MTUS2: variants seen among roughly 807,000 people sequenced by gnomAD.
The protein encoded by MTUS2 is microtubule-associated tumor suppressor candidate 2.
In MTUS2, 40 loss-of-function variants were observed where a neutral mutation model predicts 114.1. The ratio of observed to expected loss-of-function variants is 0.35; its 90% confidence interval spans 0.27 to 0.46. The LOEUF (loss-of-function observed/expected upper bound fraction) is 0.46, where lower values mean the gene tolerates loss of function less well. Ranked by LOEUF, MTUS2 falls within the 20% of genes least tolerant of loss-of-function variation. The pLI is 1.00. For synonymous variants in MTUS2, 688 were observed against 672.0 expected, an observed-to-expected ratio of 1.02 and a Z score of -0.37; for missense variants, 1,679 against 1,705.4, an observed-to-expected ratio of 0.98 and a Z score of 0.27.
chr13:28,943,140 T>A (rs1423748212), intron 2 of MTUS2, among the ~76,000 whole-genome samples: 1 of 152,186 alleles, frequency 6.6e-6, no homozygotes, highest in Non-Finnish European at 1.5e-5. Flanking sequence ...AGTTGCTTAG[T>A]TCCTTAAGTT....
rs944018005 is a variant in MTUS2, at chr13:28,981,211, A to G, written c.-242-43246A>G. 1.1e-4 allele frequency among the ~76,000 whole-genome samples: 17 copies of G among 152,234 alleles called. 1 individual carries two copies. The highest frequency in any genetic ancestry group is 3.4e-4 in the African/African-American group (14 of 41,464). ...ATATTTTACCACAATATAAAGCATAAAAGTTAAATAAAGATACTACTAATA... is the reference window on the plus strand; with the variant it reads ...ATATTTTACCACAATATAAAGCATAGAAGTTAAATAAAGATACTACTAATA... On this transcript the variant is annotated intron_variant, in intron 2 of 15. Transcript: ENST00000612955.
At chr13:28,894,289 G>GGA (rs1282557810) in intron 2 of MTUS2, among the ~76,000 whole-genome samples, 221 of 11,714 alleles carry the variant, frequency 0.019, 6 homozygotes, top group Middle Eastern at 0.036. Flanking sequence ...TGGGGGGGGG[G>GGA]GAGAGAGAGA....
rs908505048 is a variant in MTUS2 at position 29,025,943 on chromosome 13, A to G, written c.1245A>G (p.Ser415=). ...GADNQPTGKI[S]PCAGEKLGER... ...ATAATCAGCCCACTGGCAAAATTTC[A>G]CCATGTGCAGGTGAGAAGTTGGGTG... Residue 415 remains serine, a synonymous_variant, in exon 3 of 16, where the codon TCA becomes TCG. Coordinates refer to ENST00000612955, the MANE Select transcript of MTUS2 (RefSeq NM_001033602.4). 6.2e-7 allele frequency: 1 copy of G among 1,613,898 alleles called. No individual in the cohort carries two copies. The highest frequency in any genetic ancestry group is 8.5e-7 in the Non-Finnish European group (1 of 1,179,862).
chr13:28,910,733 A>G (rs1880364502), intron 2 of MTUS2, among the ~76,000 whole-genome samples: 1 of 151,858 alleles, frequency 6.6e-6, no homozygotes, highest in South Asian at 2.1e-4. Flanking sequence ...ATGGCTGCAT[A>G]GTATTCCATA....
chr13:28,989,558 G>T (rs1253417318), intron 2 of MTUS2, among the ~76,000 whole-genome samples: 1 of 152,210 alleles, frequency 6.6e-6, no homozygotes, highest in Non-Finnish European at 1.5e-5. Context: ...GGGAATGGAG[G>T]AGTCTATGAA....
chr13:29,348,480 G>A (rs1477115916), intron 7 of MTUS2, among the ~76,000 whole-genome samples: 2 of 152,152 alleles, frequency 1.3e-5, no homozygotes, highest in African/African-American at 2.4e-5. Context: ...AAGACTCACA[G>A]CAAAGTCTGT....
At chr13:28,984,823 G>A (rs1884507647) in intron 2 of MTUS2, among the ~76,000 whole-genome samples, 1 of 152,226 alleles carries the variant, frequency 6.6e-6, no homozygotes, top group Non-Finnish European at 1.5e-5. Flanking sequence ...TTTCTGAAGT[G>A]AAACATGGGC....
At chr13:29,183,684 GAACA>G (rs1373466342) in intron 5 of MTUS2, among the ~76,000 whole-genome samples, 18 of 152,120 alleles carry the variant, frequency 1.2e-4, no homozygotes, top group Non-Finnish European at 2.4e-4. Flanking sequence ...CACCAAAAAG[GAACA>G]AACAGTGAAG....
chr13:28,859,481 T>C (rs1192222581), intron 2 of MTUS2, among the ~76,000 whole-genome samples: 1 of 152,170 alleles, frequency 6.6e-6, no homozygotes, highest in Non-Finnish European at 1.5e-5. Context: ...CTTTACTTTC[T>C]AGGACTGGGG....
intron 5 of MTUS2, among the ~76,000 whole-genome samples, chr13:29,238,103 T>C (rs1278963088): frequency 6.6e-6 from 1 of 152,210 alleles, no homozygotes; most frequent in African/African-American, 2.4e-5. Flanking sequence ...CGAAGGGATC[T>C]CTGCATTCCC....
At chr13:29,005,151 C>T (rs1206885604) in intron 2 of MTUS2, among the ~76,000 whole-genome samples, 1 of 152,170 alleles carries the variant, frequency 6.6e-6, no homozygotes, top group Admixed American at 6.5e-5. Flanking sequence ...GCCATCAGGT[C>T]AATGCTTAAT....
intron 5 of MTUS2, among the ~76,000 whole-genome samples, chr13:29,104,523 C>T (rs556461561): frequency 4.6e-5 from 7 of 152,308 alleles, no homozygotes; most frequent in East Asian, 1.9e-4. Context: ...GAGAGGGTTC[C>T]GCTTTACGCA....
intron 4 of MTUS2, among the ~76,000 whole-genome samples, chr13:29,060,879 C>G (rs1888386634): frequency 6.8e-6 from 1 of 146,520 alleles, no homozygotes; most frequent in African/African-American, 2.5e-5. Context: ...CGGCTCACTG[C>G]AAGCTCCGCT....
chr13:29,060,348 T>C (rs990544889), intron 4 of MTUS2, among the ~76,000 whole-genome samples: 2 of 151,930 alleles, frequency 1.3e-5, no homozygotes, highest in African/African-American at 4.8e-5. Context: ...TTTCTCCAGT[T>C]CCTTGTGGAG....
chr13:29,354,693 A>C (rs564881747), intron 7 of MTUS2, among the ~76,000 whole-genome samples: 1 of 152,198 alleles, frequency 6.6e-6, no homozygotes, highest in Admixed American at 6.5e-5. Flanking sequence ...CCTGTACTTA[A>C]GACCAGCTGG....
At chr13:29,393,247 T>A (rs1311570033) in intron 8 of MTUS2, among the ~76,000 whole-genome samples, 1 of 152,250 alleles carries the variant, frequency 6.6e-6, no homozygotes, top group Non-Finnish European at 1.5e-5. Flanking sequence ...GGGCAACCTC[T>A]GATCTGAGAA....
chr13:29,273,439 A>AG (rs1191724521), intron 5 of MTUS2, among the ~76,000 whole-genome samples: 1 of 152,198 alleles, frequency 6.6e-6, no homozygotes, highest in Non-Finnish European at 1.5e-5. Flanking sequence ...ACTTCACCAG[A>AG]AAAGAACACT....
chr13:29,343,539 C>T lies in MTUS2; in HGVS notation c.2906-15723C>T, dbSNP rs182559334. Among the ~76,000 whole-genome samples, 13 of 151,826 alleles carry T rather than the reference C, an allele frequency of 8.6e-5. No homozygotes were observed. In the East Asian group the frequency reaches 2.1e-3, roughly 25 times the overall value. On this transcript the variant is annotated intron_variant, in intron 7 of 15. Transcript: ENST00000612955. ...TTCTAATCAGGTTTATTTGGATCTT[C>T]CCTCTTCTTTTCTTGGTTCATCTTG... is the stretch of plus-strand genomic sequence containing the variant.
intron 8 of MTUS2, among the ~76,000 whole-genome samples, chr13:29,375,405 G>A (rs1026140372): frequency 1.0e-4 from 12 of 120,370 alleles, no homozygotes; most frequent in African/African-American, 1.5e-4. Flanking sequence ...GGCAAAAACC[G>A]CAATTACTTA....
Sources: gnomAD v4.1 joint callset for allele counts (sites outside exome capture counted in the v4.1 genomes callset) on GRCh38, gnomAD v4.1.1 for gene constraint, MANE v1.5 for transcripts, NCBI Gene and HGNC (gene_info 2026-07-23, HGNC 2026-07-21) for gene names.